The following ABCG2 variants were observed in gnomAD, a reference collection of about 807,000 sequenced individuals.
ABCG2 encodes the protein broad substrate specificity ATP-binding cassette transporter ABCG2.
Under a neutral mutation model 73.5 loss-of-function variants are expected in ABCG2, and 80 were observed. That is an observed-to-expected ratio of 1.09 (90% confidence interval 0.91 to 1.31). The LOEUF is 1.31. Ranked by LOEUF, ABCG2 falls within the 50% of genes most tolerant of loss-of-function variation. The pLI is 0.00. For synonymous variants in ABCG2, 269 were observed against 282.4 expected, an observed-to-expected ratio of 0.95 and a Z score of 0.48; for missense variants, 796 against 786.2, an observed-to-expected ratio of 1.01 and a Z score of -0.15.
intron 1 of ABCG2, among the ~76,000 whole-genome samples, chr4:88,194,653 A>G (rs1023972958): frequency 2.0e-5 from 3 of 151,788 alleles, no homozygotes; most frequent in African/African-American, 7.3e-5. Context: ...TTTCTTGAAC[A>G]TGAAATAAAT....
chr4:88,178,582 C>T (rs1728100973), intron 1 of ABCG2, among the ~76,000 whole-genome samples: 1 of 152,184 alleles, frequency 6.6e-6, no homozygotes, highest in Non-Finnish European at 1.5e-5. Flanking sequence ...TAGGTACCAG[C>T]TCAGCACAGT....
At chr4:88,229,545 C>T (rs1730367472) in intron 1 of ABCG2, among the ~76,000 whole-genome samples, 1 of 152,166 alleles carries the variant, frequency 6.6e-6, no homozygotes, top group Non-Finnish European at 1.5e-5. Context: ...AAGAAAGATA[C>T]AAGCTTCTAC....
At chr4:88,131,981 T>G in intron 3 of ABCG2, 64 bp from the exon 4 acceptor site, 1 of 1,242,174 alleles carries the variant, frequency 8.1e-7, no homozygotes. Context: ...GTTGTGGGGT[T>G]TTTTTCCCTC....
At chr4:88,155,471 G>A (rs1256449924) in intron 1 of ABCG2, among the ~76,000 whole-genome samples, 1 of 152,196 alleles carries the variant, frequency 6.6e-6, no homozygotes, top group Non-Finnish European at 1.5e-5. Flanking sequence ...ATCAGTTAAG[G>A]CAGGAACCAG....
chr4:88,213,133 C>T (rs980874233), intron 1 of ABCG2, among the ~76,000 whole-genome samples: 1 of 152,108 alleles, frequency 6.6e-6, no homozygotes, highest in African/African-American at 2.4e-5. Flanking sequence ...CAAACTCCTG[C>T]GCTCAAGCAA....
intron 1 of ABCG2, among the ~76,000 whole-genome samples, chr4:88,170,719 A>C (rs1429000197): frequency 6.6e-6 from 1 of 152,256 alleles, no homozygotes; most frequent in Admixed American, 6.5e-5. Flanking sequence ...AATGGATAAT[A>C]AAATTCACTC....
At chr4:88,133,512 A>C (rs553415337) in intron 2 of ABCG2, among the ~76,000 whole-genome samples, 2 of 152,356 alleles carry the variant, frequency 1.3e-5, no homozygotes, top group South Asian at 4.1e-4. Flanking sequence ...ATCCTTTAAG[A>C]ATATGAAGAC....
intron 11 of ABCG2, among the ~76,000 whole-genome samples, chr4:88,100,493 C>T (rs1202434083): frequency 6.9e-6 from 1 of 145,330 alleles, no homozygotes; most frequent in East Asian, 2.0e-4. Flanking sequence ...ACAGAGCGAG[C>T]GAGACTCTAT....
chr4:88,161,933 C>T (rs969719554), upstream of ABCG2, among the ~76,000 whole-genome samples: 1 of 147,476 alleles, frequency 6.8e-6, no homozygotes, highest in Non-Finnish European at 1.5e-5. Context: ...TGATGATGAG[C>T]ATTTCTTCAT....
At chr4:88,216,638 C>T (rs1729823295) in intron 1 of ABCG2, among the ~76,000 whole-genome samples, 1 of 152,164 alleles carries the variant, frequency 6.6e-6, no homozygotes, top group Admixed American at 6.5e-5. Flanking sequence ...CCGGGGTGAC[C>T]AGATGGCCAC....
Position 88,222,816 on chromosome 4 carries a change from G to A in ABCG2, c.-20+8178C>T, listed in dbSNP as rs143522910. On this transcript the variant is annotated intron_variant, in intron 1 of 15. Transcript: ENST00000515655. ...CACCAACAGCTTGCCCCATGCACCC[G>A]GAAAAGCTGCAGACACTCAACACCA... 2.8e-3 allele frequency among the ~76,000 whole-genome samples: 420 copies of A among 152,286 alleles called. 3 individuals are homozygous for A. The highest frequency in any genetic ancestry group is 0.014 in the Middle Eastern group (4 of 294).
intron 1 of ABCG2, among the ~76,000 whole-genome samples, chr4:88,217,850 C>G (rs4693933): frequency 6.6e-6 from 1 of 151,546 alleles, no homozygotes; most frequent in African/African-American, 2.4e-5. Context: ...CCTGTAGTCC[C>G]AACTACTTAG....
At chr4:88,210,568 T>A (rs963304234) in intron 1 of ABCG2, among the ~76,000 whole-genome samples, 5 of 148,088 alleles carry the variant, frequency 3.4e-5, no homozygotes, top group Non-Finnish European at 7.4e-5. Flanking sequence ...AGTGTGCTGG[T>A]AGCTATAAAT....
intron 1 of ABCG2, among the ~76,000 whole-genome samples, chr4:88,229,198 C>T (rs941000271): frequency 1.3e-5 from 2 of 152,176 alleles, no homozygotes; most frequent in South Asian, 2.1e-4. Context: ...TTGAAGTCAG[C>T]GAGACCAAGA....
rs1361699841 is a variant in ABCG2 at position 88,131,858 on chromosome 4, A to G, written c.323T>C (p.Ile108Thr). 1.9e-5 allele frequency: 31 copies of G among 1,613,838 alleles called. No individual in the cohort carries two copies. The highest frequency in any genetic ancestry group is 1.3e-4 in the Admixed American group (8 of 60,006). ...ATTGGCAGGTCGCGGTGCTCCATTT[A>G]TCAGAACATCTCCAGATAATCCACT... Reference protein sequence around the residue: ...DPSGLSGDVLINGAPRPANFK... With the variant: ...DPSGLSGDVLTNGAPRPANFK... The change falls in exon 4 of 16, where the codon ATA becomes ACA. Residue 108 changes from isoleucine (I) to threonine (T), a missense_variant. Physicochemically the swap from Ile to Thr is moderately conservative, Grantham distance 89. Coordinates refer to ENST00000237612, the MANE Select transcript of ABCG2 (RefSeq NM_004827.3).
At position 88,131,913 on chromosome 4, in the gene ABCG2, ATAACC is replaced by A. The variant is rs1480955544; in HGVS notation, c.264-1_267del. ...TCTTTCCTTGCAGCTAAGACATCTA[ATAACC>A]TATAAGAGGACATATATGTTGTGGG... On this transcript the variant is annotated splice_acceptor_variant and coding_sequence_variant, in exon 4 of 16. Transcript: ENST00000237612. LOFTEE classifies it high-confidence loss of function. 1.2e-6 allele frequency: 2 copies of A among 1,611,912 alleles called. No homozygotes were observed. The highest frequency in any genetic ancestry group is 3.3e-5 in the Admixed American group (2 of 59,984).
At chr4:88,158,320 TACA>T (rs1483076027) in intron 1 of ABCG2, 63 bp downstream of exon 1, 1 of 343,768 alleles carries the variant, frequency 2.9e-6, no homozygotes, top group African/African-American at 2.2e-5. Flanking sequence ...AACAAATATA[TACA>T]CAACGCCCAC....
At chr4:88,112,214 A>G (rs1723183286) in intron 9 of ABCG2, among the ~76,000 whole-genome samples, 1 of 152,238 alleles carries the variant, frequency 6.6e-6, no homozygotes, top group Admixed American at 6.5e-5. Flanking sequence ...AGTTAATCTA[A>G]CAATGAATAG....
chr4:88,189,199 AGTT>A (rs1490547215), intron 1 of ABCG2, among the ~76,000 whole-genome samples: 2 of 152,022 alleles, frequency 1.3e-5, no homozygotes, highest in Non-Finnish European at 2.9e-5. Flanking sequence ...TTATGACTTG[AGTT>A]GTTCTCTTAG....
Sources: allele counts gnomAD v4.1 joint callset (sites outside exome capture counted in the v4.1 genomes callset), GRCh38; gene constraint gnomAD v4.1.1; transcripts MANE v1.5; gene names NCBI Gene and HGNC (gene_info 2026-07-23, HGNC 2026-07-21).